Variants in SDCBP2 observed in about 807,000 individuals in gnomAD.
SDCBP2 encodes the protein syntenin-2.
In SDCBP2, 28 loss-of-function variants were observed where a neutral mutation model predicts 30.7. That is an observed-to-expected ratio of 0.91 (90% CI 0.68 to 1.25). The LOEUF (loss-of-function observed/expected upper bound fraction) is 1.25. SDCBP2 is among the 50% of genes most tolerant of loss of function. SDCBP2 has a pLI of 0.00. For missense variants in SDCBP2, 399 were observed against 379.0 expected, an observed-to-expected ratio of 1.05 and a Z score of -0.44; for synonymous variants, 166 against 157.3, an observed-to-expected ratio of 1.06 and a Z score of -0.41.
chr20:1,318,054 A>G (rs75445260), intron 4 of SDCBP2: 23,079 of 514,968 alleles, frequency 0.045, 718 homozygotes, highest in Middle Eastern at 0.079. Context: ...CTCCCTTCTC[A>G]TCCAGCTCAG....
chr20:1,326,211 C>T (rs919608257), intron 1 of SDCBP2, among the ~76,000 whole-genome samples: 1 of 152,218 alleles, frequency 6.6e-6, no homozygotes, highest in Non-Finnish European at 1.5e-5. Context: ...CCGTTTACCT[C>T]GCAGATTATC....
intron 1 of SDCBP2, chr20:1,322,525 T>C (rs545801728): frequency 6.6e-6 from 1 of 152,230 alleles, no homozygotes; most frequent in African/African-American, 2.4e-5. Flanking sequence ...CCTTCCTGGA[T>C]GAAACAAGGA....
chr20:1,310,107 A>C lies in SDCBP2; in HGVS notation c.*334T>G, dbSNP rs1428631761. ...TAGCTCTGTTCTCTTAAAATGTGTA[A>C]CTGTTTTCCTGGTAGAGCAAAATTT... On this transcript the variant is annotated 3_prime_UTR_variant, in exon 9 of 9. Coordinates refer to ENST00000360779, the MANE Select transcript of SDCBP2 (RefSeq NM_080489.5). The C allele has an allele frequency of 1.2e-5, 3 of 249,312 alleles. No homozygotes were observed. The highest frequency in any genetic ancestry group is 6.7e-5 in the African/African-American group (3 of 44,852). 15.4% of individuals were successfully genotyped at this position (249,312 alleles called of 1,614,324 possible).
rs1422356525 is a variant in SDCBP2, at chr20:1,310,881, A to T, written c.743T>A (p.Ile248Asn). ...QNVIGLKDKK[I>N]MEILATAGNV... is the part of the protein sequence containing the mutation. ...CCCAGCCGTGGCCAGAATCTCCATG[A>T]TCTTTTTGTCCTAGGGAGGAGGCAA... Residue 248 changes from isoleucine (I) to asparagine (N), a missense_variant, in exon 8 of 9, where the codon ATC (isoleucine) becomes AAC (asparagine). By Grantham distance (149) the Ile-to-Asn change is moderately radical. Transcript: ENST00000360779. 1 of 1,613,872 alleles carries T rather than the reference A, an allele frequency of 6.2e-7. No individual in the cohort carries two copies.
At chr20:1,315,625 TAACCC>T (rs1364727577) in intron 4 of SDCBP2, among the ~76,000 whole-genome samples, 1 of 151,966 alleles carries the variant, frequency 6.6e-6, no homozygotes, top group Non-Finnish European at 1.5e-5. Flanking sequence ...ACAAAAAAAT[TAACCC>T]AAATTCAATC....
rs887782066 is a variant in SDCBP2 at position 1,320,138 on chromosome 20, G to A, written c.54+225C>T. On this transcript the variant is annotated intron_variant, in intron 2 of 8. Transcript: ENST00000360779. This position sits in a 1 kb window ranked among gnomAD's most constrained non-coding sequence, Gnocchi z 4.7. The stretch of plus-strand genomic sequence containing the variant: ...AGCTGGGCCTGGGCAGGACAGAGCA[G>A]GCATGAGAGAGGCATGCGTGCGCTG... Among the ~76,000 whole-genome samples, 1 of 152,234 alleles carries A rather than the reference G, an allele frequency of 6.6e-6. No homozygotes were observed. The highest frequency in any genetic ancestry group is 6.5e-5 in the Admixed American group (1 of 15,288).
chr20:1,318,226 G>T, intron 4 of SDCBP2, 92 bp downstream of exon 4: 1 of 882,888 alleles, frequency 1.1e-6, no homozygotes, highest in South Asian at 1.3e-5. Context: ...TCCGAGCACA[G>T]AGAGAAAGAA....
intron 5 of SDCBP2, 102 bp from the exon 6 acceptor site, chr20:1,312,864 G>C: frequency 7.7e-7 from 1 of 1,295,948 alleles, no homozygotes; most frequent in Non-Finnish European, 1.0e-6. Context: ...GGAACCTACA[G>C]GGTGCCAGGG....
At chr20:1,318,618 G>T (rs987389947) in intron 3 of SDCBP2, among the ~76,000 whole-genome samples, 200 bp from the exon 4 acceptor site, 2 of 152,134 alleles carry the variant, frequency 1.3e-5, no homozygotes, top group Admixed American at 6.5e-5. Flanking sequence ...GTAGGACACC[G>T]AGTCCTCATG....
chr20:1,310,655 A>C (rs1392890858), intron 8 of SDCBP2, 145 bp downstream of exon 8: 1 of 998,456 alleles, frequency 1.0e-6, no homozygotes, highest in Non-Finnish European at 1.5e-6. Context: ...GAGGGAGGGG[A>C]AGGGAGGATA....
rs780669009 is a variant in SDCBP2 at position 1,313,349 on chromosome 20, C to T, written c.375G>A (p.Lys125=). ...AGCCCCCGCGCCCTACCTGGTCGAC[C>T]TTCCGCAGCCTCAGCCCGGTCTTGC... is the stretch of plus-strand genomic sequence containing the variant. ...ERGKTGLRLR[K]VDQGLFVQLV... Residue 125 remains lysine, a synonymous_variant, in exon 5 of 9, where the codon AAG becomes AAA. Coordinates refer to ENST00000360779, the MANE Select transcript of SDCBP2 (RefSeq NM_080489.5). The surrounding 1 kb of genome is among the most constrained non-coding windows in gnomAD (Gnocchi z 5.2). 6.5e-5 allele frequency: 104 copies of T among 1,611,310 alleles called. No individual in the cohort carries two copies. Among genetic ancestry groups the T allele is most frequent in the Non-Finnish European group, 4.5e-5 (53 of 1,179,614 alleles).
At position 1,313,677 on chromosome 20, in the gene SDCBP2, AG is replaced by A. The variant is rs1268590383; in HGVS notation, c.226-180del. 2.9e-6 allele frequency: 4 copies of A among 1,368,390 alleles called. No individual in the cohort carries two copies. Among genetic ancestry groups the A allele is most frequent in the Non-Finnish European group, 3.8e-6 (4 of 1,062,780 alleles). The allele number at this position is 1,368,390 out of a possible 1,614,324, so 84.8% of individuals were successfully genotyped here. A position where few individuals can be genotyped will look rare whatever the true frequency, so the allele number is the denominator to read the frequency against. The stretch of plus-strand genomic sequence containing the variant: ...GGAGACGTGGCTCCACGCGGCCACT[AG>A]GGGGCGTCAAAGTCCATGCCCTTAA... On this transcript the variant is annotated intron_variant, in intron 4 of 8. Transcript: ENST00000360779. This position sits in a 1 kb window ranked among gnomAD's most constrained non-coding sequence, Gnocchi z 5.2.
intron 4 of SDCBP2, among the ~76,000 whole-genome samples, chr20:1,315,252 G>A (rs1455075764): frequency 6.6e-6 from 1 of 152,202 alleles, no homozygotes; most frequent in African/African-American, 2.4e-5. Flanking sequence ...GGTGTTGGCT[G>A]GGCGCAGTGG....
chr20:1,310,324 CT>C lies in SDCBP2; in HGVS notation c.*116del. On this transcript the variant is annotated 3_prime_UTR_variant, in exon 9 of 9. Transcript: ENST00000360779. Reference sequence around the variant, plus strand: ...TGGTCACCCTCCTGGACACGCCCCCCTCATGGCAGCCCCCACCTTAAGCAGC... The same window carrying C: ...TGGTCACCCTCCTGGACACGCCCCCCCATGGCAGCCCCCACCTTAAGCAGC... The C allele has an allele frequency of 9.3e-7, 1 of 1,078,260 alleles. No individual in the cohort carries two copies. Among genetic ancestry groups the C allele is most frequent in the Non-Finnish European group, 1.4e-6 (1 of 718,916 alleles). 66.8% of individuals were successfully genotyped at this position (1,078,260 alleles called of 1,614,324 possible).
In SDCBP2 at chr20:1,313,613, C is replaced by A. The variant is rs2122509349; in HGVS notation, c.226-115G>T. The A allele has an allele frequency of 7.0e-7, 1 of 1,425,530 alleles. No individual in the cohort carries two copies. The highest frequency in any genetic ancestry group is 9.2e-7 in the Non-Finnish European group (1 of 1,092,192). The allele number at this position is 1,425,530 out of a possible 1,614,324, so 88.3% of individuals were successfully genotyped here. ...GAGGATGGAGCCGTCCCCGGGTCCCCCCACGTCCCCAGTCCACGCTTCTCC... is the reference window on the plus strand; with the variant it reads ...GAGGATGGAGCCGTCCCCGGGTCCCACCACGTCCCCAGTCCACGCTTCTCC... On this transcript the variant is annotated intron_variant, in intron 4 of 8. Coordinates refer to ENST00000360779, the MANE Select transcript of SDCBP2 (RefSeq NM_080489.5). This position sits in a 1 kb window ranked among gnomAD's most constrained non-coding sequence, Gnocchi z 5.2.
At position 1,320,975 on chromosome 20, in the gene SDCBP2, T is replaced by C. The variant is rs2088843461; in HGVS notation, c.-19-540A>G. On this transcript the variant is annotated intron_variant, in intron 1 of 8. Coordinates refer to ENST00000360779, the MANE Select transcript of SDCBP2 (RefSeq NM_080489.5). This position sits in a 1 kb window ranked among gnomAD's most constrained non-coding sequence, Gnocchi z 4.7. ...CTTTACTCACTAACCACTGGCTCTG[T>C]CACACCTCCAGGCTTCGCTGAGGCA... 6.6e-6 allele frequency: 1 copy of C among 152,430 alleles called. No homozygotes were observed. The highest frequency in any genetic ancestry group is 1.5e-5 in the Non-Finnish European group (1 of 68,206). The allele number at this position is 152,430 out of a possible 1,614,324, so 9.4% of individuals were successfully genotyped here.
At position 1,318,204 on chromosome 20, in the gene SDCBP2, G is replaced by A. The variant is rs1007758267; in HGVS notation, c.225+114C>T. 5.2e-6 allele frequency: 4 copies of A among 771,722 alleles called. No individual in the cohort carries two copies. In the East Asian group the frequency reaches 1.0e-4, roughly 20 times the overall value. 47.8% of individuals were successfully genotyped at this position (771,722 alleles called of 1,614,324 possible). A position where few individuals can be genotyped will look rare whatever the true frequency, so the allele number is the denominator to read the frequency against. The stretch of plus-strand genomic sequence containing the variant: ...AGAAACAGAGCCAGCAGAGTGCTGG[G>A]GAGAGGGGAGGTCCGAGCACAGAGA... On this transcript the variant is annotated intron_variant, in intron 4 of 8. Transcript: ENST00000360779.
intron 7 of SDCBP2, 24 bp downstream of exon 7, chr20:1,312,313 T>G: frequency 1.2e-6 from 2 of 1,607,394 alleles, no homozygotes; most frequent in Non-Finnish European, 1.7e-6. Flanking sequence ...CGGCAGTCCC[T>G]CCCTGGTGCG....
chr20:1,312,897 C>G, intron 5 of SDCBP2, 135 bp from the exon 6 acceptor site: 1 of 903,860 alleles, frequency 1.1e-6, no homozygotes, highest in Non-Finnish European at 1.6e-6. Flanking sequence ...ATGGCAGGCA[C>G]CAAGGTTACC....
Sources: allele counts gnomAD v4.1 joint callset (sites outside exome capture counted in the v4.1 genomes callset), GRCh38; gene constraint gnomAD v4.1.1; non-coding constraint Gnocchi (gnomAD v3.1); transcripts MANE v1.5; gene names NCBI Gene and HGNC (gene_info 2026-07-23, HGNC 2026-07-21).